Variants in RTL4 observed in about 807,000 individuals in gnomAD.
RTL4 encodes retrotransposon Gag-like protein 4.
In RTL4, 4 loss-of-function variants were observed where a neutral mutation model predicts 5.3. The ratio of observed to expected loss-of-function variants is 0.75; its 90% CI spans 0.37 to 1.72. The LOEUF (loss-of-function observed/expected upper bound fraction) is 1.72, where lower values mean the gene tolerates loss of function less well. Among genes scored for constraint, RTL4 ranks in the 40% most tolerant of loss-of-function variants. The probability of loss-of-function intolerance (pLI) is 0.04; values close to 1 mark genes in which losing one functional copy is unlikely to be tolerated. For missense variants in RTL4, 260 were observed against 227.1 expected (o/e 1.14, Z -0.93); for synonymous variants, 98 against 87.3 (o/e 1.12, Z -0.68).
chrX:112,304,639 CTTTTTTT>C, the RTL4 span, among the ~76,000 whole-genome samples: 36 of 48,369 alleles, frequency 7.4e-4, no homozygotes, highest in African/African-American at 1.1e-3. Flanking sequence ...TTTCCCACAT[CTTTTTTT>C]TTTTTTTTTT....
chrX:112,379,676 CTTT>C, the RTL4 span, among the ~76,000 whole-genome samples: 3 of 111,296 alleles, frequency 2.7e-5, no homozygotes, highest in African/African-American at 9.8e-5. Context: ...TCAGACACTT[CTTT>C]TTATTTATAA....
the RTL4 span, among the ~76,000 whole-genome samples, chrX:112,365,644 A>G: frequency 1.4e-3 from 153 of 111,762 alleles, 1 homozygote; most frequent in African/African-American, 4.4e-3. Flanking sequence ...TAGAAGATCT[A>G]TCTAACCCAT....
At chrX:112,200,207 C>A in the RTL4 span, among the ~76,000 whole-genome samples, 1 of 111,717 alleles carries the variant, frequency 9.0e-6, no homozygotes, top group African/African-American at 3.3e-5. Flanking sequence ...AACTACTTGG[C>A]TTTGTTGTGA....
At chrX:112,341,122 G>C in the RTL4 span, among the ~76,000 whole-genome samples, 1 of 107,262 alleles carries the variant, frequency 9.3e-6, no homozygotes, top group Non-Finnish European at 1.9e-5. Context: ...GAAATATTTA[G>C]AGGACAGAAA....
chrX:112,384,783 T>G, the RTL4 span, among the ~76,000 whole-genome samples: 1,266 of 111,995 alleles, frequency 0.011, 20 homozygotes, highest in African/African-American at 0.039. Flanking sequence ...GCATTGAATC[T>G]ATAAATTACT....
chrX:112,226,360 C>A, the RTL4 span, among the ~76,000 whole-genome samples: 1 of 112,082 alleles, frequency 8.9e-6, no homozygotes, highest in Non-Finnish European at 1.9e-5. Context: ...CATCTTCCCA[C>A]TTCCAGCAGA....
the RTL4 span, among the ~76,000 whole-genome samples, chrX:112,106,680 A>G: frequency 1.8e-5 from 2 of 110,812 alleles, no homozygotes; most frequent in Non-Finnish European, 1.9e-5. Context: ...TCCATTTGTT[A>G]TTTTTTGTTT....
the RTL4 span, among the ~76,000 whole-genome samples, chrX:112,374,055 C>T: frequency 9.0e-6 from 1 of 110,716 alleles, no homozygotes; most frequent in Non-Finnish European, 1.9e-5. Context: ...TCCTTTATTG[C>T]TAATGTTTTT....
chrX:112,445,424 C>T, the RTL4 span, among the ~76,000 whole-genome samples: 16 of 112,131 alleles, frequency 1.4e-4, no homozygotes, highest in African/African-American at 4.5e-4. Context: ...CTGGAAGTTT[C>T]ACATCTACTC....
At chrX:112,434,426 A>T in the RTL4 span, among the ~76,000 whole-genome samples, 1 of 111,627 alleles carries the variant, frequency 9.0e-6, no homozygotes, top group African/African-American at 3.3e-5. Context: ...TTATTGGTCT[A>T]TTTAGAGATT....
At chrX:112,369,748 G>A in the RTL4 span, among the ~76,000 whole-genome samples, 18 of 112,094 alleles carry the variant, frequency 1.6e-4, no homozygotes, top group Non-Finnish European at 3.4e-4. Context: ...CCTTTGGCTA[G>A]AAGCTAGAAG....
chrX:112,153,091 A>G, the RTL4 span, among the ~76,000 whole-genome samples: 1 of 112,110 alleles, frequency 8.9e-6, no homozygotes. Flanking sequence ...CTCTATTTTG[A>G]TGAAAAAGAG....
chrX:112,230,942 A>T, the RTL4 span, among the ~76,000 whole-genome samples: 2 of 111,878 alleles, frequency 1.8e-5, no homozygotes, highest in Non-Finnish European at 3.8e-5. Flanking sequence ...TCAAAAGAAG[A>T]CATTTATGCA....
the RTL4 span, among the ~76,000 whole-genome samples, chrX:112,244,380 G>A: frequency 8.0e-3 from 889 of 111,790 alleles, 6 homozygotes; most frequent in African/African-American, 0.028. Context: ...GGGTACTCCT[G>A]TATTGGGTGC....
At chrX:112,340,275 AGCCTTC>A in the RTL4 span, among the ~76,000 whole-genome samples, 2 of 111,348 alleles carry the variant, frequency 1.8e-5, no homozygotes, top group Admixed American at 1.9e-4. Flanking sequence ...ACACAGTCCT[AGCCTTC>A]AGAAAGGATC....
At chrX:112,329,752 A>T in the RTL4 span, among the ~76,000 whole-genome samples, 199 of 111,251 alleles carry the variant, frequency 1.8e-3, no homozygotes, top group African/African-American at 6.2e-3. Context: ...TTGATGCAAA[A>T]ATCCTCAATA....
chrX:112,250,169 C>T, the RTL4 span, among the ~76,000 whole-genome samples: 25 of 109,858 alleles, frequency 2.3e-4, no homozygotes, highest in African/African-American at 8.3e-4. Flanking sequence ...GTCCCAGCTA[C>T]TTGGGAAGCT....
the RTL4 span, among the ~76,000 whole-genome samples, chrX:112,247,590 G>T: frequency 8.9e-6 from 1 of 112,107 alleles, no homozygotes; most frequent in African/African-American, 3.2e-5. Context: ...GGATAAATAA[G>T]ATTATCTGTA....
At chrX:112,308,795 G>GA in the RTL4 span, among the ~76,000 whole-genome samples, 12 of 111,202 alleles carry the variant, frequency 1.1e-4, no homozygotes, top group African/African-American at 3.9e-4. Flanking sequence ...AGACTCCTTA[G>GA]AGCCAGTATG....
Sources: gnomAD v4.1 joint callset for allele counts (sites outside exome capture counted in the v4.1 genomes callset) on GRCh38, gnomAD v4.1.1 for gene constraint, MANE v1.5 for transcripts, NCBI Gene and HGNC (gene_info 2026-07-23, HGNC 2026-07-21) for gene names.